Variants in PLCL1 observed in about 807,000 individuals in gnomAD.
PLCL1 encodes the protein inactive phospholipase C-like protein 1.
PLCL1 carries 41 observed loss-of-function variants against 84.4 expected under a neutral mutation model. The observed-to-expected ratio is 0.49, with a 90% confidence interval of 0.38 to 0.63. The LOEUF (loss-of-function observed/expected upper bound fraction) is 0.63, where lower values mean the gene tolerates loss of function less well. PLCL1 is among the 30% of genes least tolerant of loss of function. PLCL1 has a pLI of 0.00. For synonymous variants in PLCL1, 490 were observed against 488.3 expected (o/e 1.00, Z -0.05); for missense variants, 1,206 against 1,367.8 (o/e 0.88, Z 1.87).
chr2:198,010,613 T>A (rs1322961004), intron 1 of PLCL1, among the ~76,000 whole-genome samples: 1 of 151,930 alleles, frequency 6.6e-6, no homozygotes, highest in Admixed American at 6.6e-5. Flanking sequence ...GGTCTACAGT[T>A]TTTTTTGTGT....
chr2:198,085,083 C>T lies in PLCL1; in HGVS notation c.1566C>T (p.Pro522=). 6.2e-7 allele frequency: 1 copy of T among 1,614,030 alleles called. No individual in the cohort carries two copies. The highest frequency in any genetic ancestry group is 8.5e-7 in the Non-Finnish European group (1 of 1,179,958). Residue 522 remains proline (P), a synonymous_variant, in exon 2 of 6, where the codon CCC becomes CCT. Transcript: ENST00000428675. This position sits in a 1 kb window ranked among gnomAD's most constrained non-coding sequence, Gnocchi z 5.3. ...AACTCTATACTGAAGCACCTTTGCC[C>T]TCAGAATCCTACCTCCCATCACCAG... ...GNKLYTEAPL[P]SESYLPSPEK... is the part of the protein sequence containing the mutation.
intron 1 of PLCL1, among the ~76,000 whole-genome samples, chr2:198,007,821 A>C (rs1035447678): frequency 1.4e-4 from 21 of 152,148 alleles, no homozygotes; most frequent in African/African-American, 4.8e-4. Context: ...TGTCTCCATA[A>C]AAGATATAAT....
Position 197,805,395 on chromosome 2 carries a change from G to T in PLCL1, c.240+56G>T. ...GGCTGTGGGTGATGGGTGGGTCAGG[G>T]ACCCGGGCAGGATGTGCGGTGTCCG... On this transcript the variant is annotated intron_variant, in intron 1 of 5. Transcript: ENST00000428675. This position sits in a 1 kb window ranked among gnomAD's most constrained non-coding sequence, Gnocchi z 4.0. 2 of 1,308,308 alleles carry T rather than the reference G, an allele frequency of 1.5e-6. No homozygotes were observed. Among genetic ancestry groups the T allele is most frequent in the South Asian group, 2.4e-5 (1 of 41,768 alleles). The allele number at this position is 1,308,308 out of a possible 1,614,324, so 81.0% of individuals were successfully genotyped here. A position where few individuals can be genotyped will look rare whatever the true frequency, so the allele number is the denominator to read the frequency against.
intron 1 of PLCL1, among the ~76,000 whole-genome samples, chr2:198,001,102 G>A (rs553532899): frequency 1.3e-5 from 2 of 152,258 alleles, no homozygotes; most frequent in Admixed American, 1.3e-4. Flanking sequence ...TCATGGGGTT[G>A]TTTAGAGGGT....
intron 1 of PLCL1, among the ~76,000 whole-genome samples, chr2:197,825,238 G>A (rs1197801602): frequency 6.6e-6 from 1 of 152,098 alleles, no homozygotes; most frequent in African/African-American, 2.4e-5. Flanking sequence ...TGTAATCTTT[G>A]TGCAAGCCAA....
At chr2:197,930,742 C>T (rs1210200322) in intron 1 of PLCL1, among the ~76,000 whole-genome samples, 1 of 152,102 alleles carries the variant, frequency 6.6e-6, no homozygotes, top group Non-Finnish European at 1.5e-5. Flanking sequence ...TTCAGGGAGC[C>T]ATCTTGCTCC....
At chr2:198,110,134 T>A (rs1453069353) in intron 5 of PLCL1, among the ~76,000 whole-genome samples, 1 of 151,898 alleles carries the variant, frequency 6.6e-6, no homozygotes, top group Non-Finnish European at 1.5e-5. Context: ...TGGTCATTCC[T>A]ATTAAATATG....
intron 1 of PLCL1, among the ~76,000 whole-genome samples, chr2:197,897,766 G>A (rs1228521534): frequency 1.3e-5 from 2 of 152,124 alleles, no homozygotes; most frequent in African/African-American, 4.8e-5. Flanking sequence ...CTGAGGTCTG[G>A]TAGCTACTAA....
intron 1 of PLCL1, among the ~76,000 whole-genome samples, chr2:198,029,903 T>C (rs1691366735): frequency 6.8e-6 from 1 of 146,738 alleles, no homozygotes; most frequent in South Asian, 2.1e-4. Context: ...TTTCACCATG[T>C]TGCCTAGGCT....
chr2:198,142,139 G>A (rs866107755), intron 5 of PLCL1, among the ~76,000 whole-genome samples: 4 of 152,058 alleles, frequency 2.6e-5, no homozygotes, highest in South Asian at 2.1e-4. Context: ...TTCATTGGTG[G>A]GGGGAGGACT....
At chr2:197,903,368 T>C (rs987569576) in intron 1 of PLCL1, among the ~76,000 whole-genome samples, 8 of 152,156 alleles carry the variant, frequency 5.3e-5, no homozygotes, top group African/African-American at 1.9e-4. Context: ...CCAATGCCTG[T>C]ATTTTACTAA....
Position 197,805,227 on chromosome 2 carries a change from G to T in PLCL1, c.128G>T (p.Arg43Met). The T allele has an allele frequency of 1.6e-6, 2 of 1,274,162 alleles. No individual in the cohort carries two copies. Among genetic ancestry groups the T allele is most frequent in the South Asian group, 2.8e-5 (1 of 36,340 alleles). The allele number at this position is 1,274,162 out of a possible 1,614,324, so 78.9% of individuals were successfully genotyped here. Reference protein sequence around the residue: ...CVTAASGGRMRDRRSGVALPG... With the variant: ...CVTAASGGRMMDRRSGVALPG... ...ACGGCGGCCTCTGGGGGCCGGATGA[G>T]GGACCGTCGCAGCGGGGTCGCACTG... is the stretch of plus-strand genomic sequence containing the variant. The change falls in exon 1 of 6, where the codon AGG (arginine) becomes ATG (methionine). Residue 43 changes from arginine to methionine, a missense_variant. Arg to Met is a moderately conservative substitution (Grantham distance 91). Transcript: ENST00000428675. This position sits in a 1 kb window ranked among gnomAD's most constrained non-coding sequence, Gnocchi z 4.0.
intron 1 of PLCL1, among the ~76,000 whole-genome samples, chr2:197,814,415 G>A (rs1490189070): frequency 3.9e-5 from 6 of 152,046 alleles, no homozygotes; most frequent in African/African-American, 7.2e-5. Context: ...ATAATACAGC[G>A]AACTTAATTG....
At chr2:198,066,154 G>A (rs955920322) in intron 1 of PLCL1, among the ~76,000 whole-genome samples, 1 of 152,108 alleles carries the variant, frequency 6.6e-6, no homozygotes, top group African/African-American at 2.4e-5. Flanking sequence ...TCACTGCTAA[G>A]TACTCTTCTC....
chr2:198,020,573 G>GA (rs532424499), intron 1 of PLCL1, among the ~76,000 whole-genome samples: 88 of 146,920 alleles, frequency 6.0e-4, no homozygotes, highest in Non-Finnish European at 1.2e-3. Context: ...AAAAAAAAAA[G>GA]AAAAAAAAAG....
intron 5 of PLCL1, among the ~76,000 whole-genome samples, chr2:198,115,957 A>G (rs1693736714): frequency 1.4e-5 from 2 of 147,814 alleles, no homozygotes. Context: ...TAAAATATAT[A>G]CATATAATAT....
chr2:197,984,498 G>T (rs1690180661), intron 1 of PLCL1, among the ~76,000 whole-genome samples: 1 of 152,004 alleles, frequency 6.6e-6, no homozygotes, highest in Non-Finnish European at 1.5e-5. Flanking sequence ...ATTTAAATAT[G>T]CTCTACTAGA....
chr2:197,988,332 C>T (rs191299725), intron 1 of PLCL1, among the ~76,000 whole-genome samples: 213 of 152,224 alleles, frequency 1.4e-3, no homozygotes, highest in Non-Finnish European at 8.5e-4. Context: ...ACCTATCACC[C>T]GAGCAGTGTA....
intron 1 of PLCL1, among the ~76,000 whole-genome samples, chr2:198,010,810 T>C (rs1426275513): frequency 6.6e-6 from 1 of 151,858 alleles, no homozygotes; most frequent in Non-Finnish European, 1.5e-5. Context: ...TATTTTTTTT[T>C]TTTATTACTG....
Sources: allele counts gnomAD v4.1 joint callset (sites outside exome capture counted in the v4.1 genomes callset), GRCh38; gene constraint gnomAD v4.1.1; non-coding constraint Gnocchi (gnomAD v3.1); transcripts MANE v1.5; gene names NCBI Gene and HGNC (gene_info 2026-07-23, HGNC 2026-07-21).